The following ARHGEF3 variants were observed in gnomAD, a reference collection of about 807,000 sequenced individuals.
ARHGEF3 encodes the protein 59.8 kDA protein.
In ARHGEF3, 28 loss-of-function variants were observed where a neutral mutation model predicts 63.2. The ratio of observed to expected loss-of-function variants is 0.44; its 90% CI spans 0.33 to 0.61. ARHGEF3 has a LOEUF of 0.61. ARHGEF3 is among the 20% of genes least tolerant of loss of function. The pLI, the probability that ARHGEF3 is intolerant of heterozygous loss-of-function variation, is 0.03. For synonymous variants in ARHGEF3, 266 were observed against 254.2 expected (o/e 1.05, Z -0.44); for missense variants, 533 against 659.3 (o/e 0.81, Z 2.10).
chr3:56,852,033 C>G (rs1328764420), intron 4 of ARHGEF3, among the ~76,000 whole-genome samples: 1 of 152,168 alleles, frequency 6.6e-6, no homozygotes, highest in African/African-American at 2.4e-5. Flanking sequence ...GCCCTTGGAG[C>G]CTCTGTTATC....
chr3:56,881,034 C>CT (rs1553772524), intron 4 of ARHGEF3, among the ~76,000 whole-genome samples: 14,528 of 32,460 alleles, frequency 0.45, 856 homozygotes, highest in South Asian at 0.54. Context: ...TTAAAAATAG[C>CT]TAAAAAAAAT....
intron 2 of ARHGEF3, among the ~76,000 whole-genome samples, chr3:57,001,284 C>T (rs1702182501): frequency 6.6e-6 from 1 of 152,200 alleles, no homozygotes; most frequent in South Asian, 2.1e-4. Flanking sequence ...TTAGACTTAT[C>T]CACGTTGATG....
At chr3:56,875,525 T>C (rs533373762) in intron 4 of ARHGEF3, among the ~76,000 whole-genome samples, 1 of 152,308 alleles carries the variant, frequency 6.6e-6, no homozygotes, top group South Asian at 2.1e-4. Context: ...ATCACAACTA[T>C]ACCATATACT....
chr3:57,044,902 G>A (rs1167723206), intron 1 of ARHGEF3, among the ~76,000 whole-genome samples: 2 of 152,304 alleles, frequency 1.3e-5, no homozygotes, highest in East Asian at 3.9e-4. Flanking sequence ...TTATATGCTA[G>A]GGTTCTTGGA....
intron 2 of ARHGEF3, among the ~76,000 whole-genome samples, chr3:56,759,823 G>A (rs530320137): frequency 6.6e-6 from 1 of 152,332 alleles, no homozygotes; most frequent in East Asian, 1.9e-4. Flanking sequence ...TGGGATTACA[G>A]GCATGAGCCA....
intron 3 of ARHGEF3, among the ~76,000 whole-genome samples, chr3:56,893,168 G>C (rs1474051272): frequency 6.6e-6 from 1 of 151,992 alleles, no homozygotes; most frequent in Admixed American, 6.6e-5. Flanking sequence ...CCCTTTGCTG[G>C]GATTTTTTAT....
intron 3 of ARHGEF3, among the ~76,000 whole-genome samples, chr3:56,917,875 TGTAA>T (rs2042026957): frequency 6.6e-6 from 1 of 152,212 alleles, no homozygotes; most frequent in Non-Finnish European, 1.5e-5. Flanking sequence ...GTGAAATCAC[TGTAA>T]AAAGCCTTAC....
intron 2 of ARHGEF3, among the ~76,000 whole-genome samples, chr3:56,988,071 T>C (rs1445860100): frequency 6.6e-6 from 1 of 152,116 alleles, no homozygotes; most frequent in Non-Finnish European, 1.5e-5. Flanking sequence ...TCACAAAACC[T>C]CAGAAGTTCC....
At chr3:56,828,066 G>GT (rs2038798030) in intron 4 of ARHGEF3, among the ~76,000 whole-genome samples, 1 of 150,300 alleles carries the variant, frequency 6.7e-6, no homozygotes, top group Admixed American at 6.7e-5. Context: ...TGCTATAACA[G>GT]TAAGATTTTT....
chr3:56,839,691 C>T (rs1368205351), intron 4 of ARHGEF3, among the ~76,000 whole-genome samples: 1 of 152,074 alleles, frequency 6.6e-6, no homozygotes, highest in African/African-American at 2.4e-5. Flanking sequence ...GCGCCCTATC[C>T]CCAAATCTCA....
intron 3 of ARHGEF3, among the ~76,000 whole-genome samples, chr3:56,947,729 A>G (rs939196046): frequency 1.3e-5 from 2 of 152,160 alleles, no homozygotes; most frequent in Admixed American, 1.3e-4. Context: ...CGAGACAGAA[A>G]GTTAACAAGG....
intron 3 of ARHGEF3, among the ~76,000 whole-genome samples, chr3:56,906,791 C>T (rs62251076): frequency 0.14 from 20,671 of 150,424 alleles, 1,697 homozygotes; most frequent in Non-Finnish European, 0.19. Flanking sequence ...GAGCCAAAAT[C>T]ACACTACTGT....
chr3:56,934,486 T>C (rs1294816317), intron 3 of ARHGEF3, among the ~76,000 whole-genome samples: 1 of 151,680 alleles, frequency 6.6e-6, no homozygotes, highest in Non-Finnish European at 1.5e-5. Flanking sequence ...GAGTGGGAAC[T>C]GGGGCTGCGT....
chr3:56,888,248 T>G (rs540266822), intron 3 of ARHGEF3, among the ~76,000 whole-genome samples: 11 of 152,286 alleles, frequency 7.2e-5, no homozygotes, highest in Non-Finnish European at 1.2e-4. Flanking sequence ...GTCAGATCTG[T>G]TCAAGGGTGA....
intron 4 of ARHGEF3, among the ~76,000 whole-genome samples, chr3:56,867,211 T>C (rs2040278850): frequency 6.6e-6 from 1 of 152,182 alleles, no homozygotes; most frequent in East Asian, 1.9e-4. Flanking sequence ...AGACAGCATG[T>C]AACATATGAA....
intron 2 of ARHGEF3, among the ~76,000 whole-genome samples, chr3:57,000,230 T>G (rs748489239): frequency 6.6e-6 from 1 of 152,006 alleles, no homozygotes; most frequent in Admixed American, 6.6e-5. Flanking sequence ...AGAAATGACT[T>G]CTCAGTGCAT....
chr3:57,008,152 T>C (rs1483368428), intron 2 of ARHGEF3, among the ~76,000 whole-genome samples: 1 of 152,216 alleles, frequency 6.6e-6, no homozygotes, highest in Non-Finnish European at 1.5e-5. Flanking sequence ...ACGCTACATG[T>C]ACTTTCCTAG....
At chr3:56,879,929 C>T (rs1416993533) in intron 4 of ARHGEF3, among the ~76,000 whole-genome samples, 1 of 152,212 alleles carries the variant, frequency 6.6e-6, no homozygotes, top group Non-Finnish European at 1.5e-5. Flanking sequence ...ACTCATCTCT[C>T]CTGAGTGCCT....
At chr3:56,924,502 G>C (rs1374262209) in intron 3 of ARHGEF3, among the ~76,000 whole-genome samples, 1 of 152,150 alleles carries the variant, frequency 6.6e-6, no homozygotes, top group South Asian at 2.1e-4. Flanking sequence ...AAGTTTATTA[G>C]GAAAGTAAAG....
Sources: allele counts gnomAD v4.1 joint callset (sites outside exome capture counted in the v4.1 genomes callset), GRCh38; gene constraint gnomAD v4.1.1; transcripts MANE v1.5; gene names NCBI Gene and HGNC (gene_info 2026-07-23, HGNC 2026-07-21).